Variants in MGAT5 observed in about 807,000 individuals in gnomAD.
MGAT5 encodes the protein alpha-1,6-mannosylglycoprotein 6-beta-N-acetylglucosaminyltransferase A.
MGAT5 carries 30 observed loss-of-function variants against 94.3 expected under a neutral mutation model. That is an observed-to-expected ratio of 0.32 (90% CI 0.24 to 0.43). MGAT5 has a LOEUF of 0.43. Ranked by LOEUF, MGAT5 falls within the 20% of genes least tolerant of loss-of-function variation. The pLI is 1.00. For synonymous variants in MGAT5, 310 were observed against 322.9 expected, an observed-to-expected ratio of 0.96 and a Z score of 0.43; for missense variants, 691 against 905.5, an observed-to-expected ratio of 0.76 and a Z score of 3.04.
intron 15 of MGAT5, among the ~76,000 whole-genome samples, chr2:134,445,029 G>A (rs965339504): frequency 6.6e-6 from 1 of 152,180 alleles, no homozygotes; most frequent in Non-Finnish European, 1.5e-5. Flanking sequence ...AGGAACATGT[G>A]TTCCTGCCCA....
At chr2:134,319,257 T>C (rs1687181225) in intron 4 of MGAT5, among the ~76,000 whole-genome samples, 1 of 152,214 alleles carries the variant, frequency 6.6e-6, no homozygotes, top group Admixed American at 6.5e-5. Context: ...GTAAAGCAGC[T>C]GCCCCATTTT....
intron 1 of MGAT5, among the ~76,000 whole-genome samples, chr2:134,213,650 C>G (rs995842091): frequency 6.6e-6 from 1 of 152,184 alleles, no homozygotes; most frequent in Non-Finnish European, 1.5e-5. Flanking sequence ...ACCCCCTCTT[C>G]AATTTGATAA....
At chr2:134,146,286 G>A (rs1014525789) in intron 1 of MGAT5, among the ~76,000 whole-genome samples, 6 of 152,110 alleles carry the variant, frequency 3.9e-5, no homozygotes, top group South Asian at 2.1e-4. Flanking sequence ...GGCCAGGTGC[G>A]GTGGCTCATG....
At chr2:134,303,606 T>C (rs1686160098) in intron 2 of MGAT5, among the ~76,000 whole-genome samples, 1 of 152,112 alleles carries the variant, frequency 6.6e-6, no homozygotes, top group African/African-American at 2.4e-5. Context: ...CCCTTTGACT[T>C]TTTGGGGTTT....
chr2:134,133,968 T>C (rs1686293786), intron 1 of MGAT5, among the ~76,000 whole-genome samples: 1 of 152,172 alleles, frequency 6.6e-6, no homozygotes, highest in East Asian at 1.9e-4. Flanking sequence ...ATCCTGTCTA[T>C]AGGAACAATG....
chr2:134,311,913 C>A (rs553373365), intron 2 of MGAT5, among the ~76,000 whole-genome samples: 2 of 152,284 alleles, frequency 1.3e-5, no homozygotes, highest in South Asian at 2.1e-4. Context: ...CACCTAGCAT[C>A]TGATTTATAC....
At chr2:134,239,124 G>A (rs879922492) in intron 1 of MGAT5, among the ~76,000 whole-genome samples, 5 of 151,866 alleles carry the variant, frequency 3.3e-5, no homozygotes, top group Non-Finnish European at 5.9e-5. Flanking sequence ...TCAGCCTCCC[G>A]AGTAGCTGGG....
intron 1 of MGAT5, among the ~76,000 whole-genome samples, chr2:134,200,996 C>T (rs1211806217): frequency 6.6e-6 from 1 of 152,032 alleles, no homozygotes; most frequent in Non-Finnish European, 1.5e-5. Flanking sequence ...CTCACTGCAG[C>T]CTTGAACTCC....
At chr2:134,361,934 C>G (rs779950302) in intron 9 of MGAT5, among the ~76,000 whole-genome samples, 7 of 152,168 alleles carry the variant, frequency 4.6e-5, no homozygotes, top group Non-Finnish European at 1.0e-4. Flanking sequence ...GTGGTGAAAC[C>G]TGGGTGAAAG....
rs1686226475 is a variant in MGAT5, at chr2:134,453,905, T to TTA, written c.*5060_*5061dup. 1 of 152,230 alleles carries TTA rather than the reference T, an allele frequency of 6.6e-6. No individual in the cohort carries two copies. Among genetic ancestry groups the TTA allele is most frequent in the Non-Finnish European group, 1.5e-5 (1 of 68,044 alleles). The allele number at this position is 152,230 out of a possible 1,614,324, so 9.4% of individuals were successfully genotyped here. On this transcript the variant is annotated 3_prime_UTR_variant, in exon 16 of 16. Transcript: ENST00000281923. Reference sequence around the variant, plus strand: ...TGGATTCAAAGTTTTATCTATCTCCTTATCTCCTGCCCTGTCTTGGCACAA... The same window carrying TTA: ...TGGATTCAAAGTTTTATCTATCTCCTTATATCTCCTGCCCTGTCTTGGCACAA...
intron 1 of MGAT5, among the ~76,000 whole-genome samples, chr2:134,144,267 G>A (rs1341441399): frequency 2.6e-5 from 4 of 152,124 alleles, no homozygotes; most frequent in Admixed American, 6.6e-5. Context: ...CCATCTGCTC[G>A]GCTTCTGGGG....
At chr2:134,266,005 TA>T (rs1207390881) in intron 1 of MGAT5, among the ~76,000 whole-genome samples, 2 of 151,532 alleles carry the variant, frequency 1.3e-5, no homozygotes, top group Non-Finnish European at 2.9e-5. Context: ...CCATCTCTAC[TA>T]AAAATACAAA....
At chr2:134,418,387 C>CT (rs1684094734) in intron 12 of MGAT5, among the ~76,000 whole-genome samples, 1 of 152,166 alleles carries the variant, frequency 6.6e-6, no homozygotes, top group African/African-American at 2.4e-5. Context: ...ATTAGAGAAA[C>CT]TGTGGGATCC....
chr2:134,164,754 C>T (rs1012167240), intron 1 of MGAT5, among the ~76,000 whole-genome samples: 5 of 151,360 alleles, frequency 3.3e-5, no homozygotes, highest in East Asian at 1.9e-4. Context: ...CGCTTGAGTC[C>T]GGAAGGTTGA....
intron 1 of MGAT5, among the ~76,000 whole-genome samples, chr2:134,195,317 A>T (rs1170760722): frequency 6.6e-6 from 1 of 152,234 alleles, no homozygotes; most frequent in African/African-American, 2.4e-5. Context: ...CTCAGAAAAA[A>T]GATTCAAGTG....
chr2:134,206,563 G>C (rs964047029), intron 1 of MGAT5, among the ~76,000 whole-genome samples: 6 of 152,138 alleles, frequency 3.9e-5, no homozygotes, highest in Non-Finnish European at 7.3e-5. Context: ...CACCCTCCAG[G>C]TGTTAGGCTG....
At chr2:134,170,855 C>CTTTTTT (rs112717170) in intron 1 of MGAT5, among the ~76,000 whole-genome samples, 4 of 145,846 alleles carry the variant, frequency 2.7e-5, no homozygotes, top group Non-Finnish European at 4.5e-5. Flanking sequence ...GATCTCTACT[C>CTTTTTT]TTTTTTTTTT....
At chr2:134,360,676 C>G (rs1300559091) in intron 9 of MGAT5, among the ~76,000 whole-genome samples, 3 of 152,188 alleles carry the variant, frequency 2.0e-5, no homozygotes, top group Non-Finnish European at 2.9e-5. Flanking sequence ...AGGTTTTGTT[C>G]CTCTCCCCGC....
upstream of MGAT5, among the ~76,000 whole-genome samples, chr2:134,250,488 G>A (rs1254761740): frequency 1.3e-5 from 2 of 152,220 alleles, no homozygotes; most frequent in African/African-American, 4.8e-5. Flanking sequence ...GTGGCACCAA[G>A]ACTATGAGGA....
Sources: allele counts gnomAD v4.1 joint callset (sites outside exome capture counted in the v4.1 genomes callset), GRCh38; gene constraint gnomAD v4.1.1; transcripts MANE v1.5; gene names NCBI Gene and HGNC (gene_info 2026-07-23, HGNC 2026-07-21).